The following GPAM variants were observed in gnomAD, a reference collection of about 807,000 sequenced individuals.
GPAM encodes the protein glycerol-3-phosphate acyltransferase 1, mitochondrial.
In GPAM, 56 loss-of-function variants were observed where a neutral mutation model predicts 105.0. The observed-to-expected ratio is 0.53, with a 90% CI of 0.43 to 0.67. The LOEUF (loss-of-function observed/expected upper bound fraction) is 0.67, where lower values mean the gene tolerates loss of function less well. Among genes scored for constraint, GPAM ranks in the 30% least tolerant of loss-of-function variants. GPAM has a pLI of 0.00. For missense variants in GPAM, 855 were observed against 989.8 expected, an observed-to-expected ratio of 0.86 and a Z score of 1.83; for synonymous variants, 368 against 354.4, an observed-to-expected ratio of 1.04 and a Z score of -0.43.
intron 2 of GPAM, among the ~76,000 whole-genome samples, chr10:112,182,505 G>C (rs1208269350): frequency 6.6e-6 from 1 of 152,164 alleles, no homozygotes; most frequent in Non-Finnish European, 1.5e-5. Flanking sequence ...TAAACTCCTA[G>C]AATAGATATT....
At chr10:112,193,155 G>A (rs1310056565) in intron 1 of GPAM, among the ~76,000 whole-genome samples, 2 of 152,142 alleles carry the variant, frequency 1.3e-5, no homozygotes. Flanking sequence ...GAGCAGAGAA[G>A]ACAAAAGTAG....
chr10:112,206,603 G>A (rs1412630810), intron 1 of GPAM, among the ~76,000 whole-genome samples: 4 of 127,048 alleles, frequency 3.1e-5, no homozygotes, highest in Non-Finnish European at 6.5e-5. Flanking sequence ...CTCACTCATA[G>A]GTGGGAATTG....
intron 11 of GPAM, 98 bp downstream of exon 11, chr10:112,168,213 AC>A: frequency 2.7e-6 from 2 of 752,128 alleles, no homozygotes; most frequent in Middle Eastern, 3.4e-4. Flanking sequence ...CATAGGGAGT[AC>A]CAAAAAAAAT....
At position 112,193,979 on chromosome 10, in the gene GPAM, A is replaced by G. The variant is rs189151268; in HGVS notation, n.211-11088T>C. ...TTACTTTGTTCTAGGGAGAGTGACT[A>G]TATCAGTCAGAATGCGCTAGATTAT... On this transcript the variant is annotated intron_variant and non_coding_transcript_variant, in intron 1 of 3. Coordinates refer to the GPAM transcript ENST00000480130. Among the ~76,000 whole-genome samples the G allele has an allele frequency of 5.9e-5, 9 of 152,338 alleles. No individual in the cohort carries two copies. In the East Asian group the frequency reaches 1.5e-3, roughly 26 times the overall value.
At chr10:112,169,862 A>AT (rs1454013800) in intron 9 of GPAM, among the ~76,000 whole-genome samples, 1 of 152,170 alleles carries the variant, frequency 6.6e-6, no homozygotes, top group Non-Finnish European at 1.5e-5. Context: ...CAGCAACAGC[A>AT]TTAGATTCTC....
At chr10:112,219,588 C>T (rs950905227), upstream of GPAM, among the ~76,000 whole-genome samples, 13 of 152,194 alleles carry the variant, frequency 8.5e-5, no homozygotes, top group Admixed American at 1.3e-4. Flanking sequence ...TTTCATGCTC[C>T]CACTCCTAAG....
intron 1 of GPAM, among the ~76,000 whole-genome samples, chr10:112,198,978 A>G (rs11195840): frequency 0.013 from 2,039 of 151,294 alleles, 45 homozygotes; most frequent in African/African-American, 0.047. Context: ...GCTGGAGTGC[A>G]GTGGCACCAT....
chr10:112,153,871 T>C (rs79304665), intron 21 of GPAM: 5 of 44,730 alleles, frequency 1.1e-4, no homozygotes, highest in African/African-American at 6.1e-4. Context: ...CTTTTTCTAT[T>C]TTTTTTTTTT....
chr10:112,201,144 G>A (rs1339943747), intron 1 of GPAM, among the ~76,000 whole-genome samples: 1 of 152,196 alleles, frequency 6.6e-6, no homozygotes, highest in East Asian at 1.9e-4. Context: ...GCCAGAAGAT[G>A]TGTCTGCTGA....
At chr10:112,188,388 C>A (rs1589602577), upstream of GPAM, among the ~76,000 whole-genome samples, 1 of 152,276 alleles carries the variant, frequency 6.6e-6, no homozygotes, top group East Asian at 1.9e-4. Flanking sequence ...TACAGCCTTT[C>A]ATTACCCAAG....
At chr10:112,161,157 G>A (rs1057474336) in intron 15 of GPAM, among the ~76,000 whole-genome samples, 1 of 152,128 alleles carries the variant, frequency 6.6e-6, no homozygotes, top group Non-Finnish European at 1.5e-5. Flanking sequence ...CTGCAAGTAA[G>A]GAGTGCTTAT....
intron 14 of GPAM, among the ~76,000 whole-genome samples, chr10:112,162,472 C>T (rs907548077): frequency 2.0e-5 from 3 of 152,132 alleles, no homozygotes. Flanking sequence ...GTGCACACCC[C>T]TACACTGAAT....
chr10:112,216,167 A>C (rs1433102883), upstream of GPAM, among the ~76,000 whole-genome samples: 1 of 152,178 alleles, frequency 6.6e-6, no homozygotes, highest in African/African-American at 2.4e-5. Flanking sequence ...TGGTAGACAA[A>C]CCCTCAAAGG....
intron 1 of GPAM, among the ~76,000 whole-genome samples, chr10:112,195,274 C>G (rs1477159360): frequency 1.3e-5 from 2 of 152,208 alleles, no homozygotes; most frequent in Non-Finnish European, 2.9e-5. Context: ...CCATATATTC[C>G]TTACAGATTT....
At chr10:112,190,226 G>A (rs773348286) in intron 1 of GPAM, among the ~76,000 whole-genome samples, 11 of 152,046 alleles carry the variant, frequency 7.2e-5, no homozygotes, top group Non-Finnish European at 1.2e-4. Context: ...CCAGTGTATC[G>A]CATGCTGAGG....
chr10:112,197,553 T>C (rs1209056277), intron 1 of GPAM, among the ~76,000 whole-genome samples: 2 of 150,810 alleles, frequency 1.3e-5, no homozygotes, highest in Admixed American at 1.3e-4. Flanking sequence ...TAGTTACATA[T>C]GTATACATGT....
At chr10:112,208,315 A>G (rs75946183) in intron 1 of GPAM, among the ~76,000 whole-genome samples, 2,980 of 152,324 alleles carry the variant, frequency 0.02, 82 homozygotes, top group African/African-American at 0.068. Context: ...AATATCAATG[A>G]AAAATTAAAC....
At chr10:112,192,718 G>T (rs187705499) in intron 1 of GPAM, among the ~76,000 whole-genome samples, 18 of 152,352 alleles carry the variant, frequency 1.2e-4, no homozygotes, top group South Asian at 2.1e-4. Context: ...TTAAGCCATA[G>T]TAAAAAGTTT....
At chr10:112,153,697 C>CA (rs776502566) in intron 21 of GPAM, 31 bp from the exon 22 acceptor site, 3 of 1,601,454 alleles carry the variant, frequency 1.9e-6, no homozygotes, top group African/African-American at 2.7e-5. Context: ...AAATTAAAGG[C>CA]AAAAAATAAA....
Sources: allele counts gnomAD v4.1 joint callset (sites outside exome capture counted in the v4.1 genomes callset), GRCh38; gene constraint gnomAD v4.1.1; transcripts MANE v1.5; gene names NCBI Gene and HGNC (gene_info 2026-07-23, HGNC 2026-07-21).